Variants in UTP20 observed in about 807,000 individuals in gnomAD.
The protein encoded by UTP20 is small subunit processome component 20 homolog.
A neutral mutation model predicts 329.5 loss-of-function variants in UTP20; 164 were observed. The ratio of observed to expected loss-of-function variants is 0.50; its 90% CI spans 0.44 to 0.57. The LOEUF is 0.57. Among genes scored for constraint, UTP20 ranks in the 20% least tolerant of loss-of-function variants. The probability of loss-of-function intolerance (pLI) is 0.00; values close to 1 mark genes in which losing one functional copy is unlikely to be tolerated. For synonymous variants in UTP20, 1,151 were observed against 1,159.3 expected (o/e 0.99, Z 0.14); for missense variants, 3,055 against 3,284.2 (o/e 0.93, Z 1.71).
At chr12:101,334,337 C>A in intron 28 of UTP20, 88 bp from the exon 29 acceptor site, 1 of 1,085,434 alleles carries the variant, frequency 9.2e-7, no homozygotes, top group Non-Finnish European at 1.3e-6. Flanking sequence ...TCATCCTGTG[C>A]TGTGATTTCT....
Position 101,346,705 on chromosome 12 carries a change from A to T in UTP20, c.4884+117A>T. ...ATGTCATCACCATAATTAGAGGTTTAGAATAGTTCTAAAGTTCTTAGAACT... is the reference window on the plus strand; with the variant it reads ...ATGTCATCACCATAATTAGAGGTTTTGAATAGTTCTAAAGTTCTTAGAACT... On this transcript the variant is annotated intron_variant, in intron 38 of 61. Transcript: ENST00000261637. 1.9e-6 allele frequency: 2 copies of T among 1,060,446 alleles called. 1 individual carries two copies. The highest frequency in any genetic ancestry group is 4.5e-5 in the South Asian group (2 of 44,452). The allele number at this position is 1,060,446 out of a possible 1,614,324, so 65.7% of individuals were successfully genotyped here. A position where few individuals can be genotyped will look rare whatever the true frequency, so the allele number is the denominator to read the frequency against.
chr12:101,374,166 C>T (rs1870396479), intron 54 of UTP20, among the ~76,000 whole-genome samples: 2 of 149,432 alleles, frequency 1.3e-5, no homozygotes, highest in African/African-American at 4.9e-5. Flanking sequence ...ACCCGGGAGG[C>T]GGAGCTTGCA....
intron 15 of UTP20, 60 bp from the exon 16 acceptor site, chr12:101,305,855 A>G (rs570931718): frequency 9.8e-6 from 14 of 1,428,058 alleles, no homozygotes; most frequent in East Asian, 7.7e-5. Flanking sequence ...GGCTTATACT[A>G]TAGTCTAGAT....
intron 24 of UTP20, 49 bp downstream of exon 24, chr12:101,320,986 A>G (rs762263941): frequency 1.3e-5 from 20 of 1,517,660 alleles, no homozygotes; most frequent in South Asian, 5.0e-5. Context: ...GCTGATTTTT[A>G]TATTTCTGCC....
chr12:101,320,293 C>T (rs545847686), intron 23 of UTP20, among the ~76,000 whole-genome samples: 3 of 152,238 alleles, frequency 2.0e-5, no homozygotes, highest in East Asian at 1.9e-4. Context: ...CAGTAGCTCA[C>T]GCCTGTAATC....
rs573300988 is a variant in UTP20 at position 101,317,806 on chromosome 12, C to T, written c.2738+143C>T. On this transcript the variant is annotated intron_variant, in intron 22 of 61. Coordinates refer to ENST00000261637, the MANE Select transcript of UTP20 (RefSeq NM_014503.3). Reference sequence around the variant, plus strand: ...TCTTCCTGGGATTTTCTTTAACAGCCTAAAACTGTCAGGCTTCCAAGTTTT... The same window carrying T: ...TCTTCCTGGGATTTTCTTTAACAGCTTAAAACTGTCAGGCTTCCAAGTTTT... 352 of 975,624 alleles carry T rather than the reference C, an allele frequency of 3.6e-4. 1 individual carries two copies. Among genetic ancestry groups the T allele is most frequent in the South Asian group, 1.7e-3 (76 of 44,672 alleles). The allele number at this position is 975,624 out of a possible 1,614,324, so 60.4% of individuals were successfully genotyped here.
At chr12:101,317,247 A>G (rs895351416) in intron 21 of UTP20, among the ~76,000 whole-genome samples, 15 of 152,336 alleles carry the variant, frequency 9.8e-5, no homozygotes, top group African/African-American at 2.6e-4. Context: ...TTTCAACAGT[A>G]TAACAGTGGA....
intron 32 of UTP20, among the ~76,000 whole-genome samples, chr12:101,341,748 T>C (rs1169277585): frequency 2.0e-5 from 3 of 151,850 alleles, no homozygotes; most frequent in Admixed American, 2.0e-4. Flanking sequence ...CTACTAAAAA[T>C]AAAAAAATTA....
At chr12:101,366,005 C>T (rs758464598) in intron 46 of UTP20, among the ~76,000 whole-genome samples, 3 of 152,018 alleles carry the variant, frequency 2.0e-5, no homozygotes, top group Non-Finnish European at 4.4e-5. Flanking sequence ...CTAAGGAGGG[C>T]AGATCACCTG....
At chr12:101,344,066 C>G (rs1869240951) in intron 35 of UTP20, among the ~76,000 whole-genome samples, 1 of 152,098 alleles carries the variant, frequency 6.6e-6, no homozygotes, top group African/African-American at 2.4e-5. Flanking sequence ...AGTTATTCAT[C>G]TAATATTAAG....
chr12:101,354,260 TCAA>T (rs1869636549), intron 40 of UTP20, among the ~76,000 whole-genome samples: 1 of 58,534 alleles, frequency 1.7e-5, no homozygotes. Context: ...AGACTCTGTC[TCAA>T]AAAAAAAAAA....
At position 101,374,062 on chromosome 12, in the gene UTP20, C is replaced by T. The variant is rs1281769026; in HGVS notation, c.7131+295C>T. 2.6e-4 allele frequency among the ~76,000 whole-genome samples: 39 copies of T among 151,588 alleles called. 1 individual carries two copies. Among genetic ancestry groups the T allele is most frequent in the East Asian group, 1.2e-3 (6 of 5,148 alleles). On this transcript the variant is annotated intron_variant, in intron 54 of 61. Transcript: ENST00000261637. ...CATCCCGGCTAAAACGGTGAAACCC[C>T]GTCTCTACTAAAAATACAAAAAATT...
At chr12:101,363,498 G>A in intron 44 of UTP20, 78 bp from the exon 45 acceptor site, 1 of 1,319,648 alleles carries the variant, frequency 7.6e-7, no homozygotes, top group Non-Finnish European at 1.0e-6. Context: ...ACATACCAGG[G>A]CCTTTTTTCA....
In UTP20 at chr12:101,342,850, G is replaced by A. The variant is rs1264325616; in HGVS notation, c.4296+13G>A. The A allele has an allele frequency of 2.5e-6, 4 of 1,612,042 alleles. No individual in the cohort carries two copies. Among genetic ancestry groups the A allele is most frequent in the Admixed American group, 1.7e-5 (1 of 59,742 alleles). Reference sequence around the variant, plus strand: ...TGATGTTGTCAAGGTAAGAAAGAAGGGTTTCTCTTTGGCTTCAAAAGTATT... The same window carrying A: ...TGATGTTGTCAAGGTAAGAAAGAAGAGTTTCTCTTTGGCTTCAAAAGTATT... On this transcript the variant is annotated intron_variant, in intron 34 of 61. Coordinates refer to ENST00000261637, the MANE Select transcript of UTP20 (RefSeq NM_014503.3).
At chr12:101,313,922 A>G (rs1382888196) in intron 21 of UTP20, among the ~76,000 whole-genome samples, 6 of 152,228 alleles carry the variant, frequency 3.9e-5, no homozygotes, top group Non-Finnish European at 8.8e-5. Flanking sequence ...ATAAATAACC[A>G]AGTAGAGTTG....
At chr12:101,311,830 G>A in intron 20 of UTP20, 32 bp downstream of exon 20, 1 of 1,588,180 alleles carries the variant, frequency 6.3e-7, no homozygotes, top group South Asian at 1.2e-5. Context: ...AAGCTGCGAA[G>A]AAAAGTGGTT....
In UTP20 at chr12:101,381,158, G is replaced by T; in HGVS notation, c.7603G>T (p.Ala2535Ser). ...TTCACAGATGAAAAGTATCTCTCTC[G>T]CCTCTTGCCATCAATTGCATTCCAA... ...LDQKMKSISL[A>S]SCHQLHSKFL... The change falls in exon 58 of 62, where the codon GCC becomes TCC. Residue 2535 changes from alanine (A) to serine (S), a missense_variant. Ala to Ser is a moderately conservative substitution (Grantham distance 99, BLOSUM62 1). Around this residue, in one of 3 missense-constraint regions of UTP20, gnomAD observed 337 missense variants for 345.5 expected, o/e 0.98. Coordinates refer to ENST00000261637, the MANE Select transcript of UTP20 (RefSeq NM_014503.3). 1.2e-6 allele frequency: 2 copies of T among 1,613,698 alleles called. No homozygotes were observed. The highest frequency in any genetic ancestry group is 1.7e-6 in the Non-Finnish European group (2 of 1,179,686).
chr12:101,306,903 G>C, intron 17 of UTP20, 142 bp downstream of exon 17: 6 of 773,764 alleles, frequency 7.8e-6, no homozygotes, highest in Non-Finnish European at 1.1e-5. Context: ...GCTGGGCGCG[G>C]TGGCTCACGC....
In UTP20 at chr12:101,289,004, A is replaced by G. The variant is rs1383919700; in HGVS notation, c.560A>G (p.Asn187Ser). ...GCTCATAAAAAACTACATATAAGAAATTTTGCTGCTGAAAGTTTTACTTTT... is the reference window on the plus strand; with the variant it reads ...GCTCATAAAAAACTACATATAAGAAGTTTTGCTGCTGAAAGTTTTACTTTT... ...LLAHKKLHIR[N>S]FAAESFTFLM... Residue 187 changes from asparagine to serine, a missense_variant, in exon 6 of 62, where the codon AAT (asparagine) becomes AGT (serine). Asn to Ser is a conservative substitution (Grantham distance 46). This residue lies in a region of UTP20 where 2,445 missense variants were observed against 2,575.5 expected (regional missense o/e 0.95). Coordinates refer to ENST00000261637, the MANE Select transcript of UTP20 (RefSeq NM_014503.3). 2 of 1,613,808 alleles carry G rather than the reference A, an allele frequency of 1.2e-6. No individual in the cohort carries two copies. The highest frequency in any genetic ancestry group is 1.3e-5 in the African/African-American group (1 of 74,910).
Sources: allele counts gnomAD v4.1 joint callset (sites outside exome capture counted in the v4.1 genomes callset), GRCh38; gene constraint gnomAD v4.1.1; regional missense constraint gnomAD v4.1.1; transcripts MANE v1.5; gene names NCBI Gene and HGNC (gene_info 2026-07-23, HGNC 2026-07-21).